HK1: variants seen among roughly 807,000 people sequenced by gnomAD.
The protein encoded by HK1 is hexokinase 1.
HK1 carries 28 observed loss-of-function variants against 91.6 expected under a neutral mutation model. That is an observed-to-expected ratio of 0.31 (90% CI 0.23 to 0.42). The LOEUF (loss-of-function observed/expected upper bound fraction) is 0.42. Ranked by LOEUF, HK1 falls within the 10% of genes least tolerant of loss-of-function variation. HK1 has a pLI of 1.00. For missense variants in HK1, 770 were observed against 1,219.8 expected (o/e 0.63, Z 5.49); for synonymous variants, 430 against 468.1 (o/e 0.92, Z 1.05).
chr10:69,293,166 G>A (rs1845374555), intron 3 of HK1, among the ~76,000 whole-genome samples: 1 of 152,138 alleles, frequency 6.6e-6, no homozygotes, highest in African/African-American at 2.4e-5. Context: ...TTCTGTATGT[G>A]GGGACGTTTA....
intron 2 of HK1, among the ~76,000 whole-genome samples, chr10:69,352,603 G>T (rs1240394084): frequency 6.6e-6 from 1 of 152,188 alleles, no homozygotes; most frequent in Non-Finnish European, 1.5e-5. Context: ...TATGCCGGGT[G>T]AAAGAAGCCA....
chr10:69,283,357 G>C (rs1844857889), intron 2 of HK1, among the ~76,000 whole-genome samples: 1 of 150,074 alleles, frequency 6.7e-6, no homozygotes, highest in African/African-American at 2.5e-5. Context: ...TGGAGGCTGA[G>C]GTGGAAGGAT....
chr10:69,385,284 C>A (rs772293145), intron 12 of HK1, among the ~76,000 whole-genome samples: 1 of 152,184 alleles, frequency 6.6e-6, no homozygotes, highest in African/African-American at 2.4e-5. Context: ...GGACCTGTAT[C>A]CCTGCACGCC....
chr10:69,380,520 C>T lies in HK1; in HGVS notation c.1265+425C>T, dbSNP rs539392349. On this transcript the variant is annotated intron_variant, in intron 9 of 17. Transcript: ENST00000359426. The surrounding 1 kb of genome is among the most constrained non-coding windows in gnomAD (Gnocchi z 4.0). ...GGGTGGAATGTGTCTGTCTCTCGTC[C>T]GCATTTCATCAGGAGGACCTTGGGT... Among the ~76,000 whole-genome samples, 3 of 152,276 alleles carry T rather than the reference C, an allele frequency of 2.0e-5. No individual in the cohort carries two copies. The highest frequency in any genetic ancestry group is 1.9e-4 in the East Asian group (1 of 5,182).
upstream of HK1, chr10:69,318,814 C>G: frequency 2.8e-6 from 4 of 1,404,432 alleles, no homozygotes; most frequent in Non-Finnish European, 3.7e-6. Context: ...CGCCGCGCCC[C>G]GGGCCGAGGG....
chr10:69,386,806 T>C (rs943606351), intron 13 of HK1: 2 of 156,728 alleles, frequency 1.3e-5, no homozygotes, highest in African/African-American at 2.4e-5. Flanking sequence ...AAATAAATAA[T>C]ACATAAAAAA....
chr10:69,295,011 CAGAGAGAG>C (rs3086615), intron 3 of HK1, among the ~76,000 whole-genome samples: 4 of 125,124 alleles, frequency 3.2e-5, no homozygotes, highest in African/African-American at 1.2e-4. Context: ...GCCTGGGCAA[CAGAGAGAG>C]AGAGAGAGAG....
chr10:69,384,614 T>C, intron 11 of HK1, 133 bp downstream of exon 11: 1 of 1,435,454 alleles, frequency 7.0e-7, no homozygotes, highest in Non-Finnish European at 9.8e-7. Context: ...CACCAGATGC[T>C]TTTTGCCATG....
chr10:69,316,143 A>G (rs1179024913), upstream of HK1: 1 of 817,902 alleles, frequency 1.2e-6, no homozygotes, highest in Non-Finnish European at 2.2e-6. Flanking sequence ...AATGGAGTGG[A>G]CATGGTGGGG....
intron 5 of HK1, among the ~76,000 whole-genome samples, chr10:69,303,028 G>A (rs1845956348): frequency 6.6e-6 from 1 of 152,140 alleles, no homozygotes; most frequent in Admixed American, 6.6e-5. Context: ...GTCCTTCCCT[G>A]TCCATCCTGA....
At chr10:69,300,384 C>CTT in intron 4 of HK1, 2 of 540,904 alleles carry the variant, frequency 3.7e-6, no homozygotes, top group Non-Finnish European at 6.6e-6. Flanking sequence ...TTGTTTTTTG[C>CTT]TTTTTTTTCA....
intron 4 of HK1, among the ~76,000 whole-genome samples, chr10:69,297,379 CAGA>C (rs1422207382): frequency 6.6e-6 from 1 of 152,060 alleles, no homozygotes; most frequent in Non-Finnish European, 1.5e-5. Context: ...GTGGCAGAGG[CAGA>C]AGAAGATCCA....
chr10:69,366,924 C>T (rs1849733621), intron 4 of HK1, among the ~76,000 whole-genome samples: 1 of 152,184 alleles, frequency 6.6e-6, no homozygotes, highest in South Asian at 2.1e-4. Flanking sequence ...CATCCCTGTG[C>T]CAGGCATGGG....
chr10:69,286,411 C>T (rs897332344), intron 2 of HK1, among the ~76,000 whole-genome samples: 2 of 152,162 alleles, frequency 1.3e-5, no homozygotes, highest in Non-Finnish European at 2.9e-5. Context: ...GGGAGGATCA[C>T]TTGAGCTCTG....
At position 69,342,789 on chromosome 10, in the gene HK1, C is replaced by T. The variant is rs193041640; in HGVS notation, c.64-1038C>T. 1.6e-4 allele frequency among the ~76,000 whole-genome samples: 25 copies of T among 152,268 alleles called. No individual in the cohort carries two copies. The East Asian group carries it at 1.9e-3, about 12-fold the overall frequency. On this transcript the variant is annotated intron_variant, in intron 1 of 17. Coordinates refer to ENST00000359426, the MANE Select transcript of HK1 (RefSeq NM_000188.3). ...GATGGTGAAACAAAAGAACCTTCCT[C>T]GGTGGACTCTACAGGGATAGTGCCA...
Position 69,331,883 on chromosome 10 carries a change from A to G in HK1, c.64-11944A>G, listed in dbSNP as rs139154246. Among the ~76,000 whole-genome samples, 1,147 of 151,036 alleles carry G rather than the reference A, an allele frequency of 7.6e-3. 10 individuals carry two copies. The highest frequency in any genetic ancestry group is 0.012 in the Non-Finnish European group (815 of 68,026). On this transcript the variant is annotated intron_variant, in intron 1 of 17. Coordinates refer to ENST00000359426, the MANE Select transcript of HK1 (RefSeq NM_000188.3). ...ATGGAGCCAAGACCTTGTCTCAAAA[A>G]AAAAAAAATTTTTTTTCTGATATTG...
chr10:69,396,826 C>T (rs985773016), intron 16 of HK1, among the ~76,000 whole-genome samples: 3 of 152,036 alleles, frequency 2.0e-5, no homozygotes, highest in Non-Finnish European at 2.9e-5. Flanking sequence ...GGATTACAGG[C>T]GTGCGTCACC....
intron 3 of HK1, among the ~76,000 whole-genome samples, chr10:69,363,188 A>C (rs12251732): frequency 6.6e-5 from 10 of 152,152 alleles, no homozygotes; most frequent in African/African-American, 2.4e-4. Flanking sequence ...TGTCACTGCC[A>C]TGTGTAAGGG....
chr10:69,275,660 A>G (rs1322548661), intron 1 of HK1, among the ~76,000 whole-genome samples: 4 of 152,222 alleles, frequency 2.6e-5, no homozygotes, highest in African/African-American at 9.6e-5. Flanking sequence ...AAAATAAGTG[A>G]CAGGTTGGAT....
Sources: allele counts gnomAD v4.1 joint callset (sites outside exome capture counted in the v4.1 genomes callset), GRCh38; gene constraint gnomAD v4.1.1; non-coding constraint Gnocchi (gnomAD v3.1); transcripts MANE v1.5; gene names NCBI Gene and HGNC (gene_info 2026-07-23, HGNC 2026-07-21).